TAPT1: variants seen among roughly 807,000 people sequenced by gnomAD.
The protein encoded by TAPT1 is transmembrane anterior posterior transformation protein 1 homolog.
In TAPT1, 28 loss-of-function variants were observed where a neutral mutation model predicts 65.6. The observed-to-expected ratio is 0.43, with a 90% confidence interval of 0.32 to 0.59. The LOEUF (loss-of-function observed/expected upper bound fraction) is 0.59. TAPT1 is among the 20% of genes least tolerant of loss of function. The pLI is 0.09. For missense variants in TAPT1, 563 were observed against 679.9 expected (o/e 0.83, Z 1.91); for synonymous variants, 278 against 245.2 (o/e 1.13, Z -1.25).
Position 16,202,563 on chromosome 4 carries a change from G to T in TAPT1, c.348C>A (p.Ile116=). 1 of 1,529,936 alleles carries T rather than the reference G, an allele frequency of 6.5e-7. No homozygotes were observed. Among genetic ancestry groups the T allele is most frequent in the South Asian group, 1.3e-5 (1 of 79,626 alleles). The allele number at this position is 1,529,936 out of a possible 1,614,324, so 94.8% of individuals were successfully genotyped here. ...RELEKLMVFG[I]FLCLDAFLYV... ...ACAAAAACGCATCCAGGCACAGAAAGATTCCAAAAACCATCAGCTGAATTT... is the reference window on the plus strand; with the variant it reads ...ACAAAAACGCATCCAGGCACAGAAATATTCCAAAAACCATCAGCTGAATTT... The change falls in exon 3 of 14, where the codon ATC becomes ATA. Residue 116 remains isoleucine (I), a synonymous_variant. Coordinates refer to ENST00000405303, the MANE Select transcript of TAPT1 (RefSeq NM_153365.3).
chr4:16,163,399 G>T lies in TAPT1; in HGVS notation c.1613C>A (p.Thr538Lys), dbSNP rs374613998. The change falls in exon 14 of 14, where the codon ACG becomes AAG. Residue 538 changes from threonine (T) to lysine (K), a missense_variant. Coordinates refer to ENST00000405303, the MANE Select transcript of TAPT1 (RefSeq NM_153365.3). ...TTPDGDEKDI[T>K]QDNSELKHRS... ...GTGTTTTAATTCAGAATTGTCCTGC[G>T]TTATGTCCTTCTCGTCACCATCTGG... 1 of 1,613,880 alleles carries T rather than the reference G, an allele frequency of 6.2e-7. No individual in the cohort carries two copies. Among genetic ancestry groups the T allele is most frequent in the Non-Finnish European group, 8.5e-7 (1 of 1,179,868 alleles).
Position 16,174,282 on chromosome 4 carries a change from G to T in TAPT1, c.1168-10C>A. 1 of 1,595,768 alleles carries T rather than the reference G, an allele frequency of 6.3e-7. No homozygotes were observed. Among genetic ancestry groups the T allele is most frequent in the Non-Finnish European group, 8.5e-7 (1 of 1,171,360 alleles). Reference sequence around the variant, plus strand: ...TGTAATCAGTGTATGCCTGAACAGAGAAAGAAGCAAAAGATTCAGATTTAT... The same window carrying T: ...TGTAATCAGTGTATGCCTGAACAGATAAAGAAGCAAAAGATTCAGATTTAT... On this transcript the variant is annotated splice_polypyrimidine_tract_variant and intron_variant, in intron 10 of 13. Coordinates refer to ENST00000405303, the MANE Select transcript of TAPT1 (RefSeq NM_153365.3).
At chr4:16,178,403 GAAGTT>G (rs1382980939) in intron 8 of TAPT1, among the ~76,000 whole-genome samples, 1 of 152,144 alleles carries the variant, frequency 6.6e-6, no homozygotes, top group East Asian at 1.9e-4. Flanking sequence ...AATAAATTAA[GAAGTT>G]AATAAATGCC....
At chr4:16,185,787 A>G (rs1239159566) in intron 7 of TAPT1, among the ~76,000 whole-genome samples, 1 of 152,004 alleles carries the variant, frequency 6.6e-6, no homozygotes, top group African/African-American at 2.4e-5. Context: ...CCTCCCCATA[A>G]CACACCCCTC....
chr4:16,218,475 T>C (rs1457129346), intron 1 of TAPT1, among the ~76,000 whole-genome samples: 1 of 152,236 alleles, frequency 6.6e-6, no homozygotes, highest in East Asian at 1.9e-4. Context: ...AGATGACAGC[T>C]TTGACCATAA....
chr4:16,176,396 G>C (rs1748326561), intron 8 of TAPT1, 168 bp from the exon 9 acceptor site: 2 of 437,508 alleles, frequency 4.6e-6, no homozygotes, highest in South Asian at 4.9e-5. Flanking sequence ...ACTGTATCAA[G>C]TTAAAGGATA....
At chr4:16,213,677 A>T (rs1464736699) in intron 2 of TAPT1, 91 bp downstream of exon 2, 4 of 1,136,010 alleles carry the variant, frequency 3.5e-6, no homozygotes, top group Non-Finnish European at 4.7e-6. Context: ...TATTTAAAAA[A>T]CTCAACTCTA....
intron 5 of TAPT1, 81 bp from the exon 6 acceptor site, chr4:16,186,959 T>A (rs1749058027): frequency 2.7e-6 from 2 of 732,998 alleles, no homozygotes; most frequent in Non-Finnish European, 4.6e-6. Context: ...AAGTGAATAA[T>A]AAAGATGACT....
chr4:16,174,366 A>T, intron 10 of TAPT1, 94 bp from the exon 11 acceptor site: 1 of 1,121,546 alleles, frequency 8.9e-7, no homozygotes, highest in Non-Finnish European at 1.3e-6. Flanking sequence ...TGTTCTAAAC[A>T]GGTGAGGCTA....
intron 9 of TAPT1, among the ~76,000 whole-genome samples, chr4:16,175,735 G>A (rs1170950734): frequency 2.0e-5 from 3 of 151,986 alleles, no homozygotes; most frequent in Non-Finnish European, 4.4e-5. Context: ...ATTCATAATC[G>A]TGGAAAAAAA....
At position 16,176,254 on chromosome 4, in the gene TAPT1, C is replaced by T. The variant is rs187851090; in HGVS notation, c.998-26G>A. 66 of 1,218,930 alleles carry T rather than the reference C, an allele frequency of 5.4e-5. No homozygotes were observed. The East Asian group carries it at 7.1e-4, about 13-fold the overall frequency. The allele number at this position is 1,218,930 out of a possible 1,614,324, so 75.5% of individuals were successfully genotyped here. A position where few individuals can be genotyped will look rare whatever the true frequency, so the allele number is the denominator to read the frequency against. On this transcript the variant is annotated intron_variant, in intron 8 of 13. Coordinates refer to ENST00000405303, the MANE Select transcript of TAPT1 (RefSeq NM_153365.3). ...CTGTAAATAGAAAAAAGAAAAACAA[C>T]GAAATATCTTAATATGAACAGAATC...
chr4:16,208,859 G>T (rs1750490176), intron 2 of TAPT1, among the ~76,000 whole-genome samples: 1 of 152,118 alleles, frequency 6.6e-6, no homozygotes, highest in African/African-American at 2.4e-5. Context: ...CAACATAACT[G>T]GATCTAGCCT....
chr4:16,220,898 G>C (rs1751215039), intron 1 of TAPT1, among the ~76,000 whole-genome samples: 1 of 151,628 alleles, frequency 6.6e-6, no homozygotes, highest in South Asian at 2.1e-4. Flanking sequence ...GCACAATCTT[G>C]GCTCACTGTA....
chr4:16,212,089 T>C (rs557131608), intron 2 of TAPT1, among the ~76,000 whole-genome samples: 3 of 152,292 alleles, frequency 2.0e-5, no homozygotes, highest in South Asian at 4.1e-4. Flanking sequence ...CACTGCTCAT[T>C]AGTTTTGCCA....
At chr4:16,174,354 AAT>A (rs1218307579) in intron 10 of TAPT1, 82 bp from the exon 11 acceptor site, 4 of 1,247,022 alleles carry the variant, frequency 3.2e-6, no homozygotes, top group African/African-American at 1.5e-5. Flanking sequence ...ATTACCAGCA[AAT>A]GTTCTAAACA....
chr4:16,227,128 C>T (rs1412370564), upstream of TAPT1: 1 of 455,684 alleles, frequency 2.2e-6, no homozygotes, highest in Non-Finnish European at 4.4e-6. Context: ...TGTCCTTTGG[C>T]AGTTTCCAAA....
At chr4:16,194,401 C>T (rs1410540207) in intron 3 of TAPT1, among the ~76,000 whole-genome samples, 1 of 152,132 alleles carries the variant, frequency 6.6e-6, no homozygotes, top group African/African-American at 2.4e-5. Context: ...GATTAAGTTC[C>T]CACACGGTGC....
chr4:16,200,291 A>C (rs73130438), intron 3 of TAPT1, among the ~76,000 whole-genome samples: 19,366 of 152,226 alleles, frequency 0.13, 1,514 homozygotes, highest in African/African-American at 0.21. Flanking sequence ...GTAGCTCATA[A>C]TGTAGATGTG....
chr4:16,181,075 A>C (rs910398694), intron 7 of TAPT1, among the ~76,000 whole-genome samples: 1 of 152,248 alleles, frequency 6.6e-6, no homozygotes, highest in African/African-American at 2.4e-5. Flanking sequence ...TACAGGTTAA[A>C]GGAAACTAAG....
Sources: allele counts gnomAD v4.1 joint callset (sites outside exome capture counted in the v4.1 genomes callset), GRCh38; gene constraint gnomAD v4.1.1; transcripts MANE v1.5; gene names NCBI Gene and HGNC (gene_info 2026-07-23, HGNC 2026-07-21).